MARCHF8: variants seen among roughly 807,000 people sequenced by gnomAD.
MARCHF8 encodes membrane associated ring-CH-type finger 8, also known as E3 ubiquitin-protein ligase MARCHF8.
MARCHF8 carries 40 observed loss-of-function variants against 51.6 expected under a neutral mutation model. That is an observed-to-expected ratio of 0.77 (90% CI 0.60 to 1.01). The LOEUF (loss-of-function observed/expected upper bound fraction) is 1.01. Among genes scored for constraint, MARCHF8 ranks in the 50% least tolerant of loss-of-function variants. The pLI, the probability that MARCHF8 is intolerant of heterozygous loss-of-function variation, is 0.00. For missense variants in MARCHF8, 685 were observed against 708.6 expected, an observed-to-expected ratio of 0.97 and a Z score of 0.38; for synonymous variants, 263 against 280.3, an observed-to-expected ratio of 0.94 and a Z score of 0.62.
intron 1 of MARCHF8, among the ~76,000 whole-genome samples, chr10:45,564,528 C>T (rs894295898): frequency 6.6e-6 from 1 of 152,008 alleles, no homozygotes; most frequent in Non-Finnish European, 1.5e-5. Context: ...ATCAGAAATG[C>T]AGGTGGAGGG....
intron 1 of MARCHF8, among the ~76,000 whole-genome samples, chr10:45,541,243 A>G (rs2044048143): frequency 6.6e-6 from 1 of 152,230 alleles, no homozygotes; most frequent in Admixed American, 6.5e-5. Context: ...TGCAGCCATA[A>G]AAAAGGATGA....
chr10:45,492,363 T>C (rs2043098257), intron 2 of MARCHF8, among the ~76,000 whole-genome samples: 1 of 152,044 alleles, frequency 6.6e-6, no homozygotes, highest in South Asian at 2.1e-4. Context: ...ACTGGTGCAA[T>C]CTCGGCTCAC....
intron 2 of MARCHF8, among the ~76,000 whole-genome samples, chr10:45,527,924 C>A (rs549743736): frequency 6.6e-6 from 1 of 152,262 alleles, no homozygotes; most frequent in Non-Finnish European, 1.5e-5. Context: ...GGGTTATATT[C>A]CAGGGATACA....
At chr10:45,590,294 T>C (rs2044663877) in intron 1 of MARCHF8, among the ~76,000 whole-genome samples, 2 of 152,212 alleles carry the variant, frequency 1.3e-5, no homozygotes. Context: ...CCTTTGTCGA[T>C]TTTTTTGAGT....
intron 2 of MARCHF8, among the ~76,000 whole-genome samples, chr10:45,503,014 GA>G (rs1379096246): frequency 6.6e-6 from 1 of 152,158 alleles, no homozygotes; most frequent in Non-Finnish European, 1.5e-5. Context: ...CAGAAAGGGG[GA>G]AAGTGAAAGT....
At chr10:45,560,342 T>C (rs2044295575) in intron 1 of MARCHF8, among the ~76,000 whole-genome samples, 1 of 152,186 alleles carries the variant, frequency 6.6e-6, no homozygotes, top group Non-Finnish European at 1.5e-5. Flanking sequence ...CTCTCTTATC[T>C]GGTGCCTGAA....
At chr10:45,588,380 G>A (rs2044641074) in intron 1 of MARCHF8, among the ~76,000 whole-genome samples, 1 of 152,116 alleles carries the variant, frequency 6.6e-6, no homozygotes. Context: ...GTTTTGCCTT[G>A]ATGATTCTTT....
intron 2 of MARCHF8, among the ~76,000 whole-genome samples, chr10:45,526,429 G>C (rs1471488038): frequency 6.6e-6 from 1 of 152,168 alleles, no homozygotes; most frequent in Non-Finnish European, 1.5e-5. Flanking sequence ...CAGGTCTCCA[G>C]CCTAATAGAG....
At chr10:45,500,451 T>G (rs2043258492) in intron 2 of MARCHF8, among the ~76,000 whole-genome samples, 1 of 152,178 alleles carries the variant, frequency 6.6e-6, no homozygotes, top group Non-Finnish European at 1.5e-5. Flanking sequence ...TCAGCTAGGA[T>G]TTCCAGTAAT....
At chr10:45,470,754 G>C (rs969649025) in intron 3 of MARCHF8, among the ~76,000 whole-genome samples, 3 of 152,108 alleles carry the variant, frequency 2.0e-5, no homozygotes, top group Non-Finnish European at 4.4e-5. Context: ...CGGTCAACTC[G>C]GCAGGCCTGA....
intron 2 of MARCHF8, among the ~76,000 whole-genome samples, chr10:45,501,570 G>C (rs1476617369): frequency 1.3e-5 from 2 of 152,016 alleles, no homozygotes; most frequent in Non-Finnish European, 2.9e-5. Context: ...AAAATCTTCA[G>C]GATTTAAGGT....
rs374039964 is a variant in MARCHF8, at chr10:45,517,239, G to A, written c.102+15871C>T. Among the ~76,000 whole-genome samples, 9 of 152,272 alleles carry A rather than the reference G, an allele frequency of 5.9e-5. 1 individual carries two copies. In the East Asian group the frequency reaches 1.3e-3, roughly 23 times the overall value. On this transcript the variant is annotated intron_variant, in intron 2 of 7. Transcript: ENST00000453424. ...TGAACAATTCTACCGATGTTTTAGG[G>A]CCTCCTTCCATTCCCCATCCCAAGA...
At chr10:45,534,351 C>G (rs1051740086) in intron 1 of MARCHF8, among the ~76,000 whole-genome samples, 25 of 152,220 alleles carry the variant, frequency 1.6e-4, no homozygotes, top group Middle Eastern at 3.4e-3. Context: ...GAAGGGTCAC[C>G]ATGACATGCC....
intron 3 of MARCHF8, among the ~76,000 whole-genome samples, chr10:45,477,014 C>A (rs1277426971): frequency 6.6e-6 from 1 of 152,046 alleles, no homozygotes; most frequent in Non-Finnish European, 1.5e-5. Context: ...CAGAGATATC[C>A]AAATATAATT....
chr10:45,494,929 G>C (rs555589058), intron 2 of MARCHF8, among the ~76,000 whole-genome samples: 3 of 152,276 alleles, frequency 2.0e-5, no homozygotes, highest in Admixed American at 2.0e-4. Flanking sequence ...AGACCAGCCT[G>C]GCCAACATGG....
At chr10:45,565,390 C>G (rs2044353637) in intron 1 of MARCHF8, among the ~76,000 whole-genome samples, 1 of 152,038 alleles carries the variant, frequency 6.6e-6, no homozygotes, top group African/African-American at 2.4e-5. Flanking sequence ...AAGATTGTGA[C>G]TGCACTCCAG....
exon 1 of MARCHF8, chr10:45,594,643 A>G (rs2044719094): frequency 9.1e-6 from 1 of 110,354 alleles, no homozygotes; most frequent in South Asian, 3.7e-4. Context: ...GCCCACCTGT[A>G]GCCGACGCGC....
upstream of MARCHF8, among the ~76,000 whole-genome samples, chr10:45,535,891 G>C (rs1170027764): frequency 6.6e-6 from 1 of 152,136 alleles, no homozygotes; most frequent in African/African-American, 2.4e-5. Flanking sequence ...ATCTAGAAGA[G>C]ATACTGCCAA....
intron 3 of MARCHF8, among the ~76,000 whole-genome samples, chr10:45,469,619 A>G (rs1399734081): frequency 6.6e-6 from 1 of 152,038 alleles, no homozygotes; most frequent in Non-Finnish European, 1.5e-5. Context: ...TAATCCCAGC[A>G]CTTTGGGGGG....
Sources: allele counts gnomAD v4.1 joint callset (sites outside exome capture counted in the v4.1 genomes callset), GRCh38; gene constraint gnomAD v4.1.1; transcripts MANE v1.5; gene names NCBI Gene and HGNC (gene_info 2026-07-23, HGNC 2026-07-21).